ZER1: variants seen among roughly 807,000 people sequenced by gnomAD.
ZER1 encodes zyg-11 related cell cycle regulator, also known as protein zer-1 homolog.
Under a neutral mutation model 78.8 loss-of-function variants are expected in ZER1, and 11 were observed. The observed-to-expected ratio is 0.14, with a 90% CI of 0.09 to 0.23. The LOEUF is 0.23. Ranked by LOEUF, ZER1 falls within the 10% of genes least tolerant of loss-of-function variation. The pLI, the probability that ZER1 is intolerant of heterozygous loss-of-function variation, is 1.00. For missense variants in ZER1, 588 were observed against 996.9 expected (o/e 0.59, Z 5.52); for synonymous variants, 400 against 407.0 (o/e 0.98, Z 0.21).
chr9:128,753,268 G>A lies in ZER1; in HGVS notation c.642C>T (p.Ala214=), dbSNP rs8507. The change falls in exon 4 of 16, where the codon GCC becomes GCT. Residue 214 remains alanine (A), a synonymous_variant. Transcript: ENST00000291900. The surrounding 1 kb of genome is among the most constrained non-coding windows in gnomAD (Gnocchi z 7.5). ...LDLSGIQTSD[A]AFLTQWKDSL... ...TGTCTTTCCACTGGGTGAGGAAGGC[G>A]GCGTCGCTCGTCTGAATGCCTGAGA... The A allele has an allele frequency of 4.1e-5, 65 of 1,601,568 alleles. No homozygotes were observed. The highest frequency in any genetic ancestry group is 1.6e-4 in the Admixed American group (9 of 57,902).
chr9:128,742,945 CA>C (rs1475967949), intron 8 of ZER1, among the ~76,000 whole-genome samples, 200 bp from the exon 9 acceptor site: 1 of 152,140 alleles, frequency 6.6e-6, no homozygotes, highest in Non-Finnish European at 1.5e-5. Flanking sequence ...GCATAAAACA[CA>C]AATGTATAGT....
chr9:128,755,601 G>A lies in ZER1; in HGVS notation c.-36C>T. On this transcript the variant is annotated 5_prime_UTR_variant, in exon 2 of 16. Transcript: ENST00000291900. This position sits in a 1 kb window ranked among gnomAD's most constrained non-coding sequence, Gnocchi z 5.6. ...AGCAGGTGGGCCACTCCAGGACAAG[G>A]ATCCCCAGGGGCAACAGTGATTCCT... 1 of 1,594,024 alleles carries A rather than the reference G, an allele frequency of 6.3e-7. No individual in the cohort carries two copies. Among genetic ancestry groups the A allele is most frequent in the Non-Finnish European group, 8.6e-7 (1 of 1,163,920 alleles).
chr9:128,742,017 G>C (rs1863317326), intron 9 of ZER1, among the ~76,000 whole-genome samples, 176 bp from the exon 10 acceptor site: 1 of 152,222 alleles, frequency 6.6e-6, no homozygotes, highest in African/African-American at 2.4e-5. Flanking sequence ...TCAGCCCCTT[G>C]GTATTGGCAT....
chr9:128,765,212 TACACAC>T (rs60923356), intron 1 of ZER1, among the ~76,000 whole-genome samples: 27,338 of 149,682 alleles, frequency 0.18, 2,802 homozygotes, highest in East Asian at 0.47. Context: ...CATGCACATG[TACACAC>T]ACACACACAC....
rs879516461 is a variant in ZER1, at chr9:128,731,989, C to T, written c.2244-595G>A. 2.0e-5 allele frequency among the ~76,000 whole-genome samples: 3 copies of T among 152,348 alleles called. No homozygotes were observed. The East Asian group carries it at 5.8e-4, about 29-fold the overall frequency. The stretch of plus-strand genomic sequence containing the variant: ...ATCACTGTTGGTTGTCACCTTGGAC[C>T]CCGGACAGCTTGCCCATTCAACACC... On this transcript the variant is annotated intron_variant, in intron 15 of 15. Transcript: ENST00000291900.
At chr9:128,761,762 G>C (rs1050124651) in intron 1 of ZER1, among the ~76,000 whole-genome samples, 1 of 151,424 alleles carries the variant, frequency 6.6e-6, no homozygotes. Flanking sequence ...CTGCGACCAC[G>C]CTCGGCTAAT....
At chr9:128,770,940 C>A (rs903510856) in intron 1 of ZER1, among the ~76,000 whole-genome samples, 4 of 152,110 alleles carry the variant, frequency 2.6e-5, no homozygotes, top group African/African-American at 9.7e-5. Context: ...GAGGCTGGAG[C>A]GGGCGGATCA....
At chr9:128,771,109 A>T (rs977638123) in intron 1 of ZER1, among the ~76,000 whole-genome samples, 1 of 152,224 alleles carries the variant, frequency 6.6e-6, no homozygotes, top group Non-Finnish European at 1.5e-5. Flanking sequence ...GACAAGTTCC[A>T]CCCAGAGAGC....
intron 8 of ZER1, among the ~76,000 whole-genome samples, chr9:128,749,970 G>A (rs1863622115): frequency 6.6e-6 from 1 of 152,202 alleles, no homozygotes; most frequent in South Asian, 2.1e-4. Context: ...TTGAACCCGG[G>A]AGGTGGAAGT....
chr9:128,739,950 G>A lies in ZER1; in HGVS notation c.2023C>T (p.Arg675Trp). The change falls in exon 13 of 16, where the codon CGG (arginine) becomes TGG (tryptophan). Residue 675 changes from arginine to tryptophan, a missense_variant. Coordinates refer to ENST00000291900, the MANE Select transcript of ZER1 (RefSeq NM_006336.4). ...CCACACCTGTAATTGATGTTTCTCC[G>A]AGAGTTTATGTCCCAGCTCTGGATG... ...AAIQSWDINS[R>W]RNINYRSFEP... is the part of the protein sequence containing the mutation. 6.2e-7 allele frequency: 1 copy of A among 1,609,246 alleles called. No individual in the cohort carries two copies. Among genetic ancestry groups the A allele is most frequent in the Non-Finnish European group, 8.5e-7 (1 of 1,175,926 alleles).
chr9:128,739,360 G>A (rs527396643), intron 13 of ZER1, among the ~76,000 whole-genome samples: 17 of 151,852 alleles, frequency 1.1e-4, no homozygotes, highest in African/African-American at 3.9e-4. Context: ...AAAATTAACC[G>A]GGCGTGGTGG....
chr9:128,771,902 C>T lies in ZER1; in HGVS notation c.-416G>A, dbSNP rs1864400137. On this transcript the variant is annotated 5_prime_UTR_variant, in exon 1 of 16. Coordinates refer to ENST00000291900, the MANE Select transcript of ZER1 (RefSeq NM_006336.4). ...TCCTACGGCTCGGAGCCTGCAGCCG[C>T]CGCCGCCTCCGCTGTCAACAAACCC... 6.6e-6 allele frequency: 1 copy of T among 152,430 alleles called. No homozygotes were observed. Among genetic ancestry groups the T allele is most frequent in the Admixed American group, 6.5e-5 (1 of 15,284 alleles). The allele number at this position is 152,430 out of a possible 1,614,324, so 9.4% of individuals were successfully genotyped here. A position where few individuals can be genotyped will look rare whatever the true frequency, so the allele number is the denominator to read the frequency against.
chr9:128,760,359 C>T (rs1431074215), intron 1 of ZER1, among the ~76,000 whole-genome samples: 3 of 152,132 alleles, frequency 2.0e-5, no homozygotes, highest in Admixed American at 6.5e-5. Flanking sequence ...TGTGCCACCA[C>T]GCCCGGCTAA....
At position 128,740,236 on chromosome 9, in the gene ZER1, A is replaced by T; in HGVS notation, c.1854-117T>A. On this transcript the variant is annotated intron_variant, in intron 12 of 15. Transcript: ENST00000291900. This position sits in a 1 kb window ranked among gnomAD's most constrained non-coding sequence, Gnocchi z 4.4. Reference sequence around the variant, plus strand: ...GAGGTGCTACTTATTTCTTTATCCCATATCGTCTATATACCCAGACTACTT... The same window carrying T: ...GAGGTGCTACTTATTTCTTTATCCCTTATCGTCTATATACCCAGACTACTT... 1 of 975,446 alleles carries T rather than the reference A, an allele frequency of 1.0e-6. No individual in the cohort carries two copies. The allele number at this position is 975,446 out of a possible 1,614,324, so 60.4% of individuals were successfully genotyped here. A position where few individuals can be genotyped will look rare whatever the true frequency, so the allele number is the denominator to read the frequency against.
chr9:128,745,812 C>G (rs376796283), intron 8 of ZER1: 2 of 151,412 alleles, frequency 1.3e-5, no homozygotes, highest in South Asian at 2.1e-4. Flanking sequence ...GCCATCACAC[C>G]CCGCCTTTTT....
At chr9:128,759,016 T>TA (rs1863954339) in intron 1 of ZER1, among the ~76,000 whole-genome samples, 1 of 151,566 alleles carries the variant, frequency 6.6e-6, no homozygotes, top group Admixed American at 6.6e-5. Context: ...TTTTTTTTTT[T>TA]AGACTGAGTC....
intron 5 of ZER1, 39 bp downstream of exon 5, chr9:128,752,634 A>T: frequency 1.3e-6 from 2 of 1,576,730 alleles, no homozygotes; most frequent in Non-Finnish European, 1.7e-6. Context: ...TGCCTGTTGA[A>T]TGACACCCTA....
rs1242062527 is a variant in ZER1 at position 128,755,632 on chromosome 9, C to T, written c.-67G>A. ...CAGGGGCAACAGTGATTCCTGAATA[C>T]TCACAGGATCATTGGCAGAGCCACT... is the stretch of plus-strand genomic sequence containing the variant. On this transcript the variant is annotated 5_prime_UTR_variant, in exon 2 of 16. Transcript: ENST00000291900. The surrounding 1 kb of genome is among the most constrained non-coding windows in gnomAD (Gnocchi z 5.6). 14 of 1,569,498 alleles carry T rather than the reference C, an allele frequency of 8.9e-6. No individual in the cohort carries two copies. Among genetic ancestry groups the T allele is most frequent in the Admixed American group, 3.4e-5 (2 of 58,058 alleles).
At chr9:128,756,015 G>A (rs1214695784) in intron 1 of ZER1, among the ~76,000 whole-genome samples, 3 of 152,160 alleles carry the variant, frequency 2.0e-5, no homozygotes, top group African/African-American at 7.2e-5. Context: ...TTCCTAACCT[G>A]TATACAGCTA....
Sources: allele counts gnomAD v4.1 joint callset (sites outside exome capture counted in the v4.1 genomes callset), GRCh38; gene constraint gnomAD v4.1.1; non-coding constraint Gnocchi (gnomAD v3.1); transcripts MANE v1.5; gene names NCBI Gene and HGNC (gene_info 2026-07-23, HGNC 2026-07-21).